Variants in PLB1 observed in about 807,000 individuals in gnomAD.
The protein encoded by PLB1 is phospholipase B1.
In PLB1, 242 loss-of-function variants were observed where a neutral mutation model predicts 227.4. The ratio of observed to expected loss-of-function variants is 1.06; its 90% CI spans 0.96 to 1.18. The LOEUF (loss-of-function observed/expected upper bound fraction) is 1.18, where lower values mean the gene tolerates loss of function less well. Ranked by LOEUF, PLB1 falls within the 50% of genes most tolerant of loss-of-function variation. The pLI, the probability that PLB1 is intolerant of heterozygous loss-of-function variation, is 0.00. For synonymous variants in PLB1, 757 were observed against 682.2 expected, an observed-to-expected ratio of 1.11 and a Z score of -1.71; for missense variants, 1,858 against 1,816.3, an observed-to-expected ratio of 1.02 and a Z score of -0.42.
chr2:28,561,568 C>T (rs1676061278), intron 17 of PLB1, among the ~76,000 whole-genome samples: 2 of 152,132 alleles, frequency 1.3e-5, no homozygotes, highest in Admixed American at 6.5e-5. Context: ...ATGGTATATC[C>T]ATACAATGGA....
rs1008982008 is a variant in PLB1 at position 28,499,412 on chromosome 2, A to G, written c.55+3243A>G. Reference sequence around the variant, plus strand: ...CAAAATAGCACTCACTTTTGCACCAACCTAACACACATAATCCTGCCAATA... The same window carrying G: ...CAAAATAGCACTCACTTTTGCACCAGCCTAACACACATAATCCTGCCAATA... On this transcript the variant is annotated intron_variant, in intron 1 of 57. Transcript: ENST00000327757. Among the ~76,000 whole-genome samples, 27 of 151,440 alleles carry G rather than the reference A, an allele frequency of 1.8e-4. 1 individual carries two copies. Among genetic ancestry groups the G allele is most frequent in the Non-Finnish European group, 1.0e-4 (7 of 67,868 alleles).
At chr2:28,528,634 C>A (rs949343601) in intron 6 of PLB1, among the ~76,000 whole-genome samples, 1 of 152,238 alleles carries the variant, frequency 6.6e-6, no homozygotes, top group Admixed American at 6.5e-5. Context: ...AGACCCTGGG[C>A]AGCTCGCTTG....
chr2:28,524,359 C>T (rs544201984), intron 4 of PLB1, among the ~76,000 whole-genome samples: 6 of 152,274 alleles, frequency 3.9e-5, no homozygotes, highest in South Asian at 2.1e-4. Flanking sequence ...TACAAAAGGA[C>T]GTGATTCCCA....
intron 50 of PLB1, 84 bp downstream of exon 50, chr2:28,625,192 C>T (rs1321687989): frequency 7.9e-7 from 1 of 1,267,714 alleles, no homozygotes; most frequent in East Asian, 2.4e-5. Flanking sequence ...GGGTCCCTCT[C>T]ACCACAGCAC....
At chr2:28,573,423 C>T (rs1678360902) in intron 21 of PLB1, 118 bp downstream of exon 21, 3 of 767,004 alleles carry the variant, frequency 3.9e-6, no homozygotes, top group East Asian at 2.6e-5. Flanking sequence ...GAAAGGGTTT[C>T]GGGGCCAAAG....
chr2:28,579,675 G>A lies in PLB1; in HGVS notation c.1534G>A (p.Gly512Ser), dbSNP rs750364063. ...DWKIITLFIGGNDLCDFCNDL... is the reference protein window; with the variant it reads ...DWKIITLFIGSNDLCDFCNDL... ...GAAGATAATAACCCTGTTTATAGGC[G>A]GCAATGACCTCTGTGATTTCTGCAA... Residue 512 changes from glycine to serine, a missense_variant, in exon 23 of 58, where the codon GGC (glycine) becomes AGC (serine). Coordinates refer to ENST00000327757, the MANE Select transcript of PLB1 (RefSeq NM_153021.5). The A allele has an allele frequency of 1.4e-5, 23 of 1,613,208 alleles. No individual in the cohort carries two copies. In the East Asian group the frequency reaches 1.8e-4, roughly 13 times the overall value.
intron 23 of PLB1, 24 bp from the exon 24 acceptor site, chr2:28,582,044 A>G (rs751144930): frequency 6.2e-7 from 1 of 1,604,164 alleles, no homozygotes; most frequent in East Asian, 2.2e-5. Flanking sequence ...AATGGTGTTC[A>G]AGGGACACTT....
intron 49 of PLB1, among the ~76,000 whole-genome samples, chr2:28,623,972 C>G (rs994086200): frequency 6.6e-6 from 1 of 152,156 alleles, no homozygotes; most frequent in Non-Finnish European, 1.5e-5. Flanking sequence ...TGGCATGGAC[C>G]TGTAGTCCCA....
intron 46 of PLB1, among the ~76,000 whole-genome samples, chr2:28,620,008 G>A (rs1686797977): frequency 2.0e-5 from 3 of 152,108 alleles, no homozygotes; most frequent in Non-Finnish European, 1.5e-5. Flanking sequence ...CACGGCAAAG[G>A]GAACAGAAAG....
chr2:28,616,599 G>A (rs1260889891), intron 44 of PLB1, among the ~76,000 whole-genome samples: 1 of 152,184 alleles, frequency 6.6e-6, no homozygotes, highest in Non-Finnish European at 1.5e-5. Flanking sequence ...CATGGAATAT[G>A]CTTATCTCTG....
intron 43 of PLB1, 123 bp from the exon 44 acceptor site, chr2:28,613,908 T>A (rs537306610): frequency 6.1e-6 from 5 of 815,484 alleles, no homozygotes; most frequent in Non-Finnish European, 1.0e-5. Context: ...TACAGTTCTT[T>A]CTATATAAGT....
chr2:28,575,981 G>A (rs1002281305), intron 21 of PLB1, among the ~76,000 whole-genome samples: 2 of 152,208 alleles, frequency 1.3e-5, no homozygotes, highest in Non-Finnish European at 2.9e-5. Context: ...TGGGCTGGTA[G>A]TATAAGAGGA....
At position 28,603,884 on chromosome 2, in the gene PLB1, C is replaced by G. The variant is rs1372452774; in HGVS notation, c.2775-82C>G. On this transcript the variant is annotated intron_variant, in intron 39 of 57. Coordinates refer to ENST00000327757, the MANE Select transcript of PLB1 (RefSeq NM_153021.5). ...AGGGCGGGAGGGAGCCTCTCCACCC[C>G]TCCCCTGAACCTGGGCAATCAGAAC... The G allele has an allele frequency of 2.2e-6, 3 of 1,337,196 alleles. No homozygotes were observed. In the African/African-American group the frequency reaches 4.3e-5, roughly 19 times the overall value. The allele number at this position is 1,337,196 out of a possible 1,614,324, so 82.8% of individuals were successfully genotyped here.
chr2:28,610,595 AC>A (rs1304007757), intron 43 of PLB1, among the ~76,000 whole-genome samples: 1 of 151,978 alleles, frequency 6.6e-6, no homozygotes, highest in Admixed American at 6.5e-5. Context: ...ATGGCTGCCA[AC>A]CCCTGCCTCA....
intron 11 of PLB1, among the ~76,000 whole-genome samples, chr2:28,539,852 G>A (rs60293037): frequency 0.27 from 40,650 of 151,422 alleles, 5,939 homozygotes; most frequent in East Asian, 0.54. Context: ...TGAAGGGGGA[G>A]AAAGAGCTTC....
chr2:28,527,850 A>G (rs1462726028), intron 6 of PLB1, among the ~76,000 whole-genome samples: 2 of 152,170 alleles, frequency 1.3e-5, no homozygotes, highest in Non-Finnish European at 2.9e-5. Context: ...TCAGAAAGCA[A>G]TCTCTTTCAG....
intron 50 of PLB1, among the ~76,000 whole-genome samples, 175 bp downstream of exon 50, chr2:28,625,283 C>T (rs996705613): frequency 2.0e-5 from 3 of 152,204 alleles, no homozygotes; most frequent in Admixed American, 1.3e-4. Flanking sequence ...CACTCCTAGA[C>T]GCAGGCTGTG....
chr2:28,627,745 C>T (rs910140552), intron 51 of PLB1, among the ~76,000 whole-genome samples: 3 of 152,110 alleles, frequency 2.0e-5, no homozygotes, highest in African/African-American at 2.4e-5. Flanking sequence ...CTCTTCGTCT[C>T]CAGAAAAAAT....
chr2:28,579,647 C>T lies in PLB1; in HGVS notation c.1506C>T (p.Asp502=), dbSNP rs201565484. The stretch of plus-strand genomic sequence containing the variant: ...TTCAGAGGATACACTTTCAGGAAGA[C>T]TGGAAGATAATAACCCTGTTTATAG... ...KNDTRIHFQE[D]WKIITLFIGG... Residue 502 remains aspartate, a synonymous_variant, in exon 23 of 58, where the codon GAC becomes GAT. Transcript: ENST00000327757. The T allele has an allele frequency of 2.2e-5, 35 of 1,612,908 alleles. No individual in the cohort carries two copies. The Admixed American group carries it at 4.2e-4, about 19-fold the overall frequency.
Sources: gnomAD v4.1 joint callset for allele counts (sites outside exome capture counted in the v4.1 genomes callset) on GRCh38, gnomAD v4.1.1 for gene constraint, MANE v1.5 for transcripts, NCBI Gene and HGNC (gene_info 2026-07-23, HGNC 2026-07-21) for gene names.